WFS1: variants seen among roughly 807,000 people sequenced by gnomAD.
WFS1 encodes wolframin.
In WFS1, 90 loss-of-function variants were observed where a neutral mutation model predicts 68.5. The observed-to-expected ratio is 1.31, with a 90% CI of 1.11 to 1.56. WFS1 has a LOEUF of 1.56. Among genes scored for constraint, WFS1 ranks in the 40% most tolerant of loss-of-function variants. The pLI is 0.00. For synonymous variants in WFS1, 860 were observed against 540.7 expected, an observed-to-expected ratio of 1.59 and a Z score of -8.19; for missense variants, 1,767 against 1,232.6, an observed-to-expected ratio of 1.43 and a Z score of -6.49.
At chr4:6,299,880 A>ATG (rs201599652) in intron 7 of WFS1, among the ~76,000 whole-genome samples, 3,906 of 56,626 alleles carry the variant, frequency 0.069, 107 homozygotes, top group Middle Eastern at 0.19. Flanking sequence ...GGTGGGCTGC[A>ATG]TGTGTGTGTG....
At chr4:6,285,091 C>T (rs538696838) in intron 2 of WFS1, among the ~76,000 whole-genome samples, 12 of 151,894 alleles carry the variant, frequency 7.9e-5, no homozygotes, top group African/African-American at 2.9e-4. Context: ...GACCTGATGC[C>T]ATCTCTGAGC....
chr4:6,300,961 A>G lies in WFS1; in HGVS notation c.1166A>G (p.Asp389Gly). The G allele has an allele frequency of 6.2e-7, 1 of 1,613,932 alleles. No individual in the cohort carries two copies. The highest frequency in any genetic ancestry group is 2.2e-5 in the East Asian group (1 of 44,860). Residue 389 changes from aspartate to glycine, a missense_variant, in exon 8 of 8, where the codon GAT (aspartate) becomes GGT (glycine). Asp to Gly is a moderately conservative substitution (Grantham distance 94). Transcript: ENST00000226760. ...CTGCTGCGCTTCGAGCCCAACCTGG[A>G]TGTGGAGCAGGCCGAGGTCAACTTC... The part of the protein sequence containing the change: ...DLLLRFEPNL[D>G]VEQAEVNFGW...
At chr4:6,277,414 C>T (rs1341229327) in intron 1 of WFS1, 37 bp from the exon 2 acceptor site, 23 of 1,540,912 alleles carry the variant, frequency 1.5e-5, no homozygotes, top group African/African-American at 4.1e-5. Context: ...CGGGCTCTGC[C>T]GGTGCTGGAT....
chr4:6,302,351 C>T lies in WFS1; in HGVS notation c.2556C>T (p.Ala852=). The T allele has an allele frequency of 6.2e-7, 1 of 1,612,966 alleles. No homozygotes were observed. The highest frequency in any genetic ancestry group is 8.5e-7 in the Non-Finnish European group (1 of 1,180,004). Residue 852 remains alanine (A), a synonymous_variant, in exon 8 of 8, where the codon GCC becomes GCT. Coordinates refer to ENST00000226760, the MANE Select transcript of WFS1 (RefSeq NM_006005.3). The part of the protein sequence containing the change: ...LKAISCLNCM[A]QLSPTRRHVK... ...CCATCAGCTGCCTCAACTGCATGGC[C>T]CAGCTCTCACCCACCAGGCGGCACG...
In WFS1 at chr4:6,300,811, A is replaced by ACTTCTTCGC. The variant is rs931042621; in HGVS notation, c.1024_1032dup (p.Ala342_Phe344dup). On this transcript the variant is annotated inframe_insertion, in exon 8 of 8. Coordinates refer to ENST00000226760, the MANE Select transcript of WFS1 (RefSeq NM_006005.3). ...TTCATCGTCAGCAACCTCACCATCG[A>ACTTCTTCGC]CTTCTTCGCCTTCTTCATCCCGCTG... The ACTTCTTCGC allele has an allele frequency of 2.5e-6, 4 of 1,613,804 alleles. No homozygotes were observed. The highest frequency in any genetic ancestry group is 3.4e-6 in the Non-Finnish European group (4 of 1,179,896).
chr4:6,301,952 C>T lies in WFS1; in HGVS notation c.2157C>T (p.Ala719=), dbSNP rs766900991. The T allele has an allele frequency of 3.3e-5, 53 of 1,612,716 alleles. No individual in the cohort carries two copies. Among genetic ancestry groups the T allele is most frequent in the Non-Finnish European group, 4.3e-5 (51 of 1,179,950 alleles). ...ACATCGACAACAGCGCCGAGTCTGCCATCAACATGCTCCCGTTCTTCATCG... is the reference window on the plus strand; with the variant it reads ...ACATCGACAACAGCGCCGAGTCTGCTATCAACATGCTCCCGTTCTTCATCG... The part of the protein sequence containing the change: ...VTDIDNSAES[A]INMLPFFIGD... The change falls in exon 8 of 8, where the codon GCC becomes GCT. Residue 719 remains alanine, a synonymous_variant. Transcript: ENST00000226760.
chr4:6,289,125 A>G lies in WFS1; in HGVS notation c.454A>G (p.Arg152Gly), dbSNP rs528811205. Residue 152 changes from arginine to glycine, a missense_variant, in exon 4 of 8, where the codon AGA becomes GGA. Coordinates refer to ENST00000226760, the MANE Select transcript of WFS1 (RefSeq NM_006005.3). ...VKLLRRCLAD[R>G]RGITSENERE... Reference sequence around the variant, plus strand: ...GCTGCTTCGCCGGTGCTTGGCGGACAGAAGAGGTGGGTCTGTGTGAGGCTT... The same window carrying G: ...GCTGCTTCGCCGGTGCTTGGCGGACGGAAGAGGTGGGTCTGTGTGAGGCTT... The G allele has an allele frequency of 3.8e-6, 6 of 1,577,452 alleles. No homozygotes were observed.
In WFS1 at chr4:6,302,895, C is replaced by CTTAT. The variant is rs904123799; in HGVS notation, c.*430_*433dup. ...CTGTGTAACCTCCACAGTAGCATTT[C>CTTAT]TTATTTGTTTGGTCACTGCTACACC... On this transcript the variant is annotated 3_prime_UTR_variant, in exon 8 of 8. Transcript: ENST00000226760. The CTTAT allele has an allele frequency of 2.1e-5, 5 of 237,260 alleles. No individual in the cohort carries two copies. The highest frequency in any genetic ancestry group is 1.7e-5 in the Non-Finnish European group (2 of 120,622). 14.7% of individuals were successfully genotyped at this position (237,260 alleles called of 1,614,324 possible).
chr4:6,301,027 C>G lies in WFS1; in HGVS notation c.1232C>G (p.Ser411Cys). ...GAGCCCTATGCCCATTTCCTGCTCT[C>G]TGTCTTCTTCGTCATCTTCTCCTTC... ...HLEPYAHFLL[S>C]VFFVIFSFPI... The change falls in exon 8 of 8, where the codon TCT becomes TGT. Residue 411 changes from serine to cysteine, a missense_variant. By Grantham distance (112) the Ser-to-Cys change is moderately radical (BLOSUM62 -1). Coordinates refer to ENST00000226760, the MANE Select transcript of WFS1 (RefSeq NM_006005.3). The G allele has an allele frequency of 6.2e-7, 1 of 1,614,170 alleles. No homozygotes were observed. The highest frequency in any genetic ancestry group is 8.5e-7 in the Non-Finnish European group (1 of 1,180,026).
At chr4:6,295,467 G>T (rs80041271) in intron 7 of WFS1, among the ~76,000 whole-genome samples, 1 of 152,104 alleles carries the variant, frequency 6.6e-6, no homozygotes, top group Admixed American at 6.5e-5. Flanking sequence ...GGGTCTTTCT[G>T]TGCAGTGTAG....
In WFS1 at chr4:6,270,344, G is replaced by A. The variant is rs557946331; in HGVS notation, c.-6+330G>A. On this transcript the variant is annotated intron_variant, in intron 1 of 7. Coordinates refer to ENST00000226760, the MANE Select transcript of WFS1 (RefSeq NM_006005.3). ...CGGCCGGCGGGCAGGCCCCCTCCCC[G>A]CGCCCCGCGCCATCCCCCCCGAGTT... Among the ~76,000 whole-genome samples, 1,287 of 144,044 alleles carry A rather than the reference G, an allele frequency of 8.9e-3. 24 individuals carry two copies. The highest frequency in any genetic ancestry group is 0.03 in the African/African-American group (1,217 of 40,164). 94.5% of individuals were successfully genotyped at this position (144,044 alleles called of 152,430 possible).
intron 6 of WFS1, chr4:6,294,784 C>G (rs1039117059): frequency 3.9e-6 from 2 of 517,448 alleles, no homozygotes; most frequent in Non-Finnish European, 7.0e-6. Flanking sequence ...GAGAGGGACA[C>G]TTGGGGTGGG....
intron 1 of WFS1, among the ~76,000 whole-genome samples, chr4:6,276,116 T>C (rs1729987385): frequency 6.6e-6 from 1 of 152,192 alleles, no homozygotes; most frequent in African/African-American, 2.4e-5. Context: ...AGAGGATGGC[T>C]GTGGCCCTGA....
Position 6,283,623 on chromosome 4 carries a change from C to T in WFS1, c.233-3470C>T, listed in dbSNP as rs1054972018. ...TGCCAAGATGAGCAGAAGGTGAAAG[C>T]CCATTTCCCAGCAGTTCTAGCACAA... On this transcript the variant is annotated intron_variant, in intron 2 of 7. Coordinates refer to ENST00000226760, the MANE Select transcript of WFS1 (RefSeq NM_006005.3). This position sits in a 1 kb window ranked among gnomAD's most constrained non-coding sequence, Gnocchi z 5.0. Among the ~76,000 whole-genome samples the T allele has an allele frequency of 3.9e-5, 6 of 152,212 alleles. No homozygotes were observed. Among genetic ancestry groups the T allele is most frequent in the Non-Finnish European group, 8.8e-5 (6 of 68,034 alleles).
At chr4:6,284,213 T>C (rs1312483771) in intron 2 of WFS1, among the ~76,000 whole-genome samples, 2 of 151,716 alleles carry the variant, frequency 1.3e-5, no homozygotes, top group Non-Finnish European at 2.9e-5. Flanking sequence ...CTACTAAAAA[T>C]ACAAAAAAAC....
rs55993016 is a variant in WFS1, at chr4:6,302,599, C to T, written c.*131C>T. 22,005 of 1,361,700 alleles carry T rather than the reference C, an allele frequency of 0.016. 224 individuals are homozygous for T. Among genetic ancestry groups the T allele is most frequent in the Non-Finnish European group, 0.019 (19,399 of 998,332 alleles). The allele number at this position is 1,361,700 out of a possible 1,614,324, so 84.4% of individuals were successfully genotyped here. A position where few individuals can be genotyped will look rare whatever the true frequency, so the allele number is the denominator to read the frequency against. ...GCAGACTGTGGCTGCAGAGACCTTGCGACCATGTGTAGATTGCGTGGACCC... is the reference window on the plus strand; with the variant it reads ...GCAGACTGTGGCTGCAGAGACCTTGTGACCATGTGTAGATTGCGTGGACCC... On this transcript the variant is annotated 3_prime_UTR_variant, in exon 8 of 8. Coordinates refer to ENST00000226760, the MANE Select transcript of WFS1 (RefSeq NM_006005.3).
chr4:6,295,737 G>A (rs1730621692), intron 7 of WFS1, among the ~76,000 whole-genome samples: 1 of 152,246 alleles, frequency 6.6e-6, no homozygotes, highest in Admixed American at 6.5e-5. Context: ...TGGAGGACAT[G>A]AGCAGCTTTG....
chr4:6,279,315 G>A (rs1019506999), intron 2 of WFS1, among the ~76,000 whole-genome samples: 3 of 152,236 alleles, frequency 2.0e-5, no homozygotes, highest in African/African-American at 7.2e-5. Context: ...CCCGAGCTAG[G>A]CATCTTTTTA....
rs141052196 is a variant in WFS1 at position 6,302,417 on chromosome 4, C to G, written c.2622C>G (p.Ala874=). Residue 874 remains alanine, a synonymous_variant, in exon 8 of 8, where the codon GCC becomes GCG. Coordinates refer to ENST00000226760, the MANE Select transcript of WFS1 (RefSeq NM_006005.3). ...ACTGGCGCAGCACCGTGCATGGCGC[C>G]GTGAAGTTCGCCTTCGACTTCTTTT... ...EHDWRSTVHG[A]VKFAFDFFFF... The G allele has an allele frequency of 1.2e-6, 2 of 1,613,066 alleles. No homozygotes were observed. Among genetic ancestry groups the G allele is most frequent in the African/African-American group, 1.3e-5 (1 of 74,938 alleles).
Sources: allele counts gnomAD v4.1 joint callset (sites outside exome capture counted in the v4.1 genomes callset), GRCh38; gene constraint gnomAD v4.1.1; non-coding constraint Gnocchi (gnomAD v3.1); transcripts MANE v1.5; gene names NCBI Gene and HGNC (gene_info 2026-07-23, HGNC 2026-07-21).